SIPA1L1: variants seen among roughly 807,000 people sequenced by gnomAD.
SIPA1L1 encodes the protein signal induced proliferation associated 1 like 1.
A neutral mutation model predicts 162.7 loss-of-function variants in SIPA1L1; 26 were observed. That is an observed-to-expected ratio of 0.16 (90% CI 0.12 to 0.22). SIPA1L1 has a LOEUF of 0.22. Among genes scored for constraint, SIPA1L1 ranks in the 10% least tolerant of loss-of-function variants. SIPA1L1 has a pLI of 1.00. For missense variants in SIPA1L1, 1,874 were observed against 2,241.0 expected (o/e 0.84, Z 3.31); for synonymous variants, 829 against 837.4 (o/e 0.99, Z 0.17).
chr14:71,515,707 C>T (rs536458868), intron 3 of SIPA1L1, among the ~76,000 whole-genome samples: 11 of 152,060 alleles, frequency 7.2e-5, no homozygotes, highest in Non-Finnish European at 1.3e-4. Flanking sequence ...TGCAGTGGCG[C>T]GATCTCAGCA....
At chr14:71,417,327 C>T (rs369399525) in intron 2 of SIPA1L1, among the ~76,000 whole-genome samples, 131 of 150,596 alleles carry the variant, frequency 8.7e-4, no homozygotes, top group Non-Finnish European at 1.1e-3. Flanking sequence ...AAAAATTAGC[C>T]GGGCGAGGTG....
chr14:71,647,913 T>C (rs1269109743), intron 7 of SIPA1L1, among the ~76,000 whole-genome samples: 2 of 152,036 alleles, frequency 1.3e-5, no homozygotes, highest in Non-Finnish European at 2.9e-5. Context: ...TTTTCTTATG[T>C]GTGCTATACA....
At chr14:71,394,319 T>C (rs777948187) in intron 2 of SIPA1L1, among the ~76,000 whole-genome samples, 15 of 152,366 alleles carry the variant, frequency 9.8e-5, no homozygotes, top group Admixed American at 4.6e-4. Context: ...AATTTCCAAA[T>C]GTCCATTCAT....
intron 7 of SIPA1L1, among the ~76,000 whole-genome samples, chr14:71,642,966 CAAAA>C (rs546178056): frequency 9.7e-6 from 1 of 103,600 alleles, no homozygotes; most frequent in Non-Finnish European, 2.1e-5. Context: ...AAACAATTGC[CAAAA>C]AAAAAAAAAC....
At chr14:71,734,519 T>C (rs1163937142) in intron 21 of SIPA1L1, among the ~76,000 whole-genome samples, 2 of 152,238 alleles carry the variant, frequency 1.3e-5, no homozygotes, top group South Asian at 2.1e-4. Flanking sequence ...GATTTTTTTT[T>C]CTGTTTTTGT....
At chr14:71,451,236 AG>A (rs2045796990) in intron 2 of SIPA1L1, among the ~76,000 whole-genome samples, 1 of 152,032 alleles carries the variant, frequency 6.6e-6, no homozygotes, top group African/African-American at 2.4e-5. Context: ...ACCAGGGAGA[AG>A]GGGGGATAGT....
At chr14:71,647,427 C>CT (rs556634353) in intron 7 of SIPA1L1, among the ~76,000 whole-genome samples, 2 of 151,508 alleles carry the variant, frequency 1.3e-5, no homozygotes, top group South Asian at 4.2e-4. Context: ...TAAATTAATC[C>CT]TTTTGAGTGT....
intron 13 of SIPA1L1, among the ~76,000 whole-genome samples, chr14:71,694,671 C>T (rs1276738152): frequency 6.6e-6 from 1 of 152,194 alleles, no homozygotes; most frequent in East Asian, 1.9e-4. Flanking sequence ...GTGACCAGAG[C>T]ATTCTTTAAA....
chr14:71,349,599 A>T (rs2036495714), intron 2 of SIPA1L1, among the ~76,000 whole-genome samples: 1 of 152,160 alleles, frequency 6.6e-6, no homozygotes, highest in South Asian at 2.1e-4. Flanking sequence ...TTTCTGACAG[A>T]ATTTTAGTAT....
rs945083802 is a variant in SIPA1L1, at chr14:71,473,501, A to C, written c.-464-39242A>C. On this transcript the variant is annotated intron_variant, in intron 2 of 23. Transcript: ENST00000381232. ...ATTTGAGCCCAGATTTTCTGATTCA[A>C]ATTTATTGGTCTTTTCATTTCTAGC... Among the ~76,000 whole-genome samples, 6 of 152,258 alleles carry C rather than the reference A, an allele frequency of 3.9e-5. No individual in the cohort carries two copies. The South Asian group carries it at 1.2e-3, about 32-fold the overall frequency.
chr14:71,574,351 G>C (rs1233306437), intron 4 of SIPA1L1: 1 of 152,662 alleles, frequency 6.6e-6, no homozygotes, highest in Non-Finnish European at 1.5e-5. Flanking sequence ...GAAGTCTCAC[G>C]AGAACCCGGT....
intron 2 of SIPA1L1, among the ~76,000 whole-genome samples, chr14:71,469,598 A>G (rs1567065897): frequency 6.6e-6 from 1 of 152,180 alleles, no homozygotes; most frequent in Non-Finnish European, 1.5e-5. Context: ...GCATGCTGTT[A>G]GTGTGGGCAA....
intron 2 of SIPA1L1, among the ~76,000 whole-genome samples, chr14:71,374,717 T>C (rs1410256792): frequency 3.3e-5 from 5 of 151,666 alleles, no homozygotes; most frequent in Non-Finnish European, 4.4e-5. Context: ...TTTTGCTGTT[T>C]CTAGTCGCAT....
chr14:71,531,375 G>T (rs1416723380), intron 4 of SIPA1L1, among the ~76,000 whole-genome samples: 1 of 151,776 alleles, frequency 6.6e-6, no homozygotes, highest in Non-Finnish European at 1.5e-5. Context: ...CAGAAGAGGG[G>T]TCTACTCCTA....
intron 2 of SIPA1L1, among the ~76,000 whole-genome samples, chr14:71,373,439 G>A (rs577253891): frequency 9.2e-5 from 14 of 151,866 alleles, no homozygotes; most frequent in African/African-American, 2.4e-4. Flanking sequence ...CCTGGCCAAC[G>A]TGGTGAAATC....
chr14:71,603,778 C>A (rs2037093879), intron 5 of SIPA1L1, among the ~76,000 whole-genome samples: 1 of 151,512 alleles, frequency 6.6e-6, no homozygotes, highest in South Asian at 2.1e-4. Flanking sequence ...AAAAAATCAG[C>A]CAGGCACGTG....
At chr14:71,632,893 G>A (rs2040725027) in intron 7 of SIPA1L1, among the ~76,000 whole-genome samples, 1 of 152,080 alleles carries the variant, frequency 6.6e-6, no homozygotes, top group South Asian at 2.1e-4. Flanking sequence ...CTAAATAGAG[G>A]ATTTAAATAA....
At chr14:71,479,375 G>GTATGTATGTATGTA (rs1266385412) in intron 2 of SIPA1L1, among the ~76,000 whole-genome samples, 3 of 72,990 alleles carry the variant, frequency 4.1e-5, no homozygotes, top group African/African-American at 6.7e-5. Flanking sequence ...GTATGTATGT[G>GTATGTATGTATGTA]TGTATATATG....
intron 3 of SIPA1L1, among the ~76,000 whole-genome samples, chr14:71,524,729 A>G (rs2052689725): frequency 6.6e-6 from 1 of 152,040 alleles, no homozygotes; most frequent in Non-Finnish European, 1.5e-5. Flanking sequence ...GATTATAAGC[A>G]TGATCGGCTG....
Sources: allele counts gnomAD v4.1 joint callset (sites outside exome capture counted in the v4.1 genomes callset), GRCh38; gene constraint gnomAD v4.1.1; transcripts MANE v1.5; gene names NCBI Gene and HGNC (gene_info 2026-07-23, HGNC 2026-07-21).